The following GMEB2 variants were observed in gnomAD, a reference collection of about 807,000 sequenced individuals.
GMEB2 encodes glucocorticoid modulatory element-binding protein 2.
GMEB2 carries 7 observed loss-of-function variants against 45.7 expected under a neutral mutation model. The observed-to-expected ratio is 0.15, with a 90% CI of 0.09 to 0.29. GMEB2 has a LOEUF of 0.29. Among genes scored for constraint, GMEB2 ranks in the 10% least tolerant of loss-of-function variants. GMEB2 has a pLI of 1.00. For missense variants in GMEB2, 582 were observed against 739.2 expected, an observed-to-expected ratio of 0.79 and a Z score of 2.47; for synonymous variants, 322 against 323.6, an observed-to-expected ratio of 1.00 and a Z score of 0.05.
In GMEB2 at chr20:63,592,122, G is replaced by C. The variant is rs750681237; in HGVS notation, c.852C>G (p.Ile284Met). ...GGTCCAGCATGCCGAAGTTCTGCAC[G>C]ATGTTGTTGAGAAGTACAGCATCTT... ...QLRDAVLLNN[I>M]VQNFGMLDLV... is the part of the protein sequence containing the mutation. The change falls in exon 9 of 10, where the codon ATC becomes ATG. Residue 284 changes from isoleucine (I) to methionine (M), a missense_variant. Around this residue, in one of 3 missense-constraint regions of GMEB2, gnomAD observed 462 missense variants for 586.7 expected, o/e 0.79. Coordinates refer to ENST00000370077, the MANE Select transcript of GMEB2 (RefSeq NM_012384.5). This position sits in a 1 kb window ranked among gnomAD's most constrained non-coding sequence, Gnocchi z 8.2. The C allele has an allele frequency of 2.5e-6, 4 of 1,613,488 alleles. No homozygotes were observed. In the South Asian group the frequency reaches 3.3e-5, roughly 13 times the overall value.
intron 2 of GMEB2, among the ~76,000 whole-genome samples, chr20:63,612,799 A>G (rs988059115): frequency 3.3e-5 from 5 of 152,172 alleles, no homozygotes; most frequent in African/African-American, 1.2e-4. Context: ...CCTGTGGCCA[A>G]GGCCACCCAG....
rs1052189268 is a variant in GMEB2, at chr20:63,605,731, G to C, written c.132-891C>G. On this transcript the variant is annotated intron_variant, in intron 2 of 9. Coordinates refer to ENST00000370077, the MANE Select transcript of GMEB2 (RefSeq NM_012384.5). ...GTACTTTGGGAGGCTGAGGCGGGCAGATCACTTGAGGTCAGGAGTTCGAGA... is the reference window on the plus strand; with the variant it reads ...GTACTTTGGGAGGCTGAGGCGGGCACATCACTTGAGGTCAGGAGTTCGAGA... Among the ~76,000 whole-genome samples the C allele has an allele frequency of 4.6e-5, 7 of 151,170 alleles. No homozygotes were observed. In the South Asian group the frequency reaches 1.3e-3, roughly 27 times the overall value.
intron 1 of GMEB2, among the ~76,000 whole-genome samples, chr20:63,625,826 G>A (rs2089667316): frequency 6.6e-6 from 1 of 152,046 alleles, no homozygotes; most frequent in African/African-American, 2.4e-5. Flanking sequence ...TCAAACTCCT[G>A]ACCTCATGAT....
chr20:63,591,790 C>T (rs907052057), intron 9 of GMEB2, among the ~76,000 whole-genome samples: 30 of 152,232 alleles, frequency 2.0e-4, no homozygotes, highest in Non-Finnish European at 4.4e-5. Flanking sequence ...TAAATAACTA[C>T]TTGGTTCATC....
chr20:63,598,033 A>G (rs2083212748), intron 4 of GMEB2, among the ~76,000 whole-genome samples, 173 bp from the exon 5 acceptor site: 1 of 152,136 alleles, frequency 6.6e-6, no homozygotes. Flanking sequence ...CATGACCCAC[A>G]GGCACGGTGG....
chr20:63,598,366 A>ACACACACACACT (rs1555893274), intron 4 of GMEB2, among the ~76,000 whole-genome samples: 1 of 151,606 alleles, frequency 6.6e-6, no homozygotes, highest in Admixed American at 6.6e-5. Flanking sequence ...ACACACACAC[A>ACACACACACACT]CACACACTCA....
intron 2 of GMEB2, among the ~76,000 whole-genome samples, chr20:63,611,942 G>A (rs954397166): frequency 5.9e-5 from 9 of 151,998 alleles, no homozygotes; most frequent in African/African-American, 1.7e-4. Context: ...TAGAGTCCCA[G>A]CTACTCAGGA....
rs1277196156 is a variant in GMEB2 at position 63,592,662 on chromosome 20, A to G, written c.700T>C (p.Phe234Leu). The change falls in exon 8 of 10, where the codon TTT becomes CTT. Residue 234 changes from phenylalanine (F) to leucine (L), a missense_variant. Around this residue, in one of 3 missense-constraint regions of GMEB2, gnomAD observed 462 missense variants for 586.7 expected, o/e 0.79. Transcript: ENST00000370077. The surrounding 1 kb of genome is among the most constrained non-coding windows in gnomAD (Gnocchi z 8.2). ...TCCTTCAGCCCCCGCCAGAAGGTAA[A>G]TGTGTCATCTGTGAGGGAAGGAGTG... ...DWTAAIGDDT[F>L]TFWRGLKDAG... is the part of the protein sequence containing the mutation. 1.2e-6 allele frequency: 2 copies of G among 1,613,406 alleles called. No individual in the cohort carries two copies. The highest frequency in any genetic ancestry group is 2.2e-5 in the South Asian group (2 of 91,068).
chr20:63,624,526 C>T (rs1050497194), intron 1 of GMEB2, among the ~76,000 whole-genome samples: 8 of 152,266 alleles, frequency 5.3e-5, no homozygotes, highest in South Asian at 2.1e-4. Flanking sequence ...ACTGAGGAGA[C>T]GCTGCTTTCA....
At chr20:63,609,381 C>CG (rs2089549309) in intron 2 of GMEB2, among the ~76,000 whole-genome samples, 1 of 134,892 alleles carries the variant, frequency 7.4e-6, no homozygotes, top group Non-Finnish European at 1.6e-5. Context: ...GCCCCTCTGA[C>CG]CTCACCTCCA....
At chr20:63,612,965 T>A (rs1000041142) in intron 2 of GMEB2, among the ~76,000 whole-genome samples, 6 of 151,722 alleles carry the variant, frequency 4.0e-5, no homozygotes, top group South Asian at 4.1e-4. Flanking sequence ...TCTTTCTTTT[T>A]CTTTTTTTTT....
At chr20:63,603,208 A>C in intron 3 of GMEB2, 116 bp from the exon 4 acceptor site, 2 of 1,190,548 alleles carry the variant, frequency 1.7e-6, no homozygotes, top group Non-Finnish European at 2.4e-6. Context: ...AAAAATTAAA[A>C]TCCAGGAAGG....
chr20:63,621,262 T>C (rs2089640751), intron 1 of GMEB2, among the ~76,000 whole-genome samples: 1 of 152,058 alleles, frequency 6.6e-6, no homozygotes, highest in South Asian at 2.1e-4. Context: ...TACAGGGAGT[T>C]GTTCTTTAAT....
rs879361653 is a variant in GMEB2 at position 63,587,911 on chromosome 20, CGG to C, written c.*2176_*2177del. 1 of 152,386 alleles carries C rather than the reference CGG, an allele frequency of 6.6e-6. No homozygotes were observed. The highest frequency in any genetic ancestry group is 1.5e-5 in the Non-Finnish European group (1 of 68,108). 9.4% of individuals were successfully genotyped at this position (152,386 alleles called of 1,614,324 possible). On this transcript the variant is annotated 3_prime_UTR_variant, in exon 10 of 10. Transcript: ENST00000370077. The stretch of plus-strand genomic sequence containing the variant: ...AGGAGCCAGCAGGACCTGGAGGAGC[CGG>C]GGGCGGTGCTGACAACAACCTTCCC...
chr20:63,599,088 C>T (rs1601011717), intron 4 of GMEB2, among the ~76,000 whole-genome samples: 1 of 152,234 alleles, frequency 6.6e-6, no homozygotes, highest in East Asian at 1.9e-4. Flanking sequence ...GTCACGCTTA[C>T]CAGAGCTGCC....
intron 4 of GMEB2, among the ~76,000 whole-genome samples, chr20:63,599,414 A>G (rs1413151562): frequency 2.6e-5 from 4 of 152,200 alleles, no homozygotes; most frequent in Non-Finnish European, 5.9e-5. Flanking sequence ...CTCCGCCTGC[A>G]ATGCATATTT....
rs529025388 is a variant in GMEB2 at position 63,592,942 on chromosome 20, C to G, written c.691+69G>C. On this transcript the variant is annotated intron_variant, in intron 7 of 9. Transcript: ENST00000370077. This position sits in a 1 kb window ranked among gnomAD's most constrained non-coding sequence, Gnocchi z 8.2. Reference sequence around the variant, plus strand: ...CTGGACTCCTGGAGCCCCTGTGTGGCCCGAGGTGGGCAGAGACTCCACCAC... The same window carrying G: ...CTGGACTCCTGGAGCCCCTGTGTGGGCCGAGGTGGGCAGAGACTCCACCAC... The G allele has an allele frequency of 9.5e-7, 1 of 1,054,162 alleles. No individual in the cohort carries two copies. The highest frequency in any genetic ancestry group is 2.5e-5 in the East Asian group (1 of 39,690). The allele number at this position is 1,054,162 out of a possible 1,614,324, so 65.3% of individuals were successfully genotyped here. A position where few individuals can be genotyped will look rare whatever the true frequency, so the allele number is the denominator to read the frequency against.
chr20:63,600,374 CA>C (rs1208405409), intron 4 of GMEB2, among the ~76,000 whole-genome samples: 1 of 151,674 alleles, frequency 6.6e-6, no homozygotes, highest in Non-Finnish European at 1.5e-5. Context: ...GGATCCAGCC[CA>C]AGACTGTGGA....
rs889135310 is a variant in GMEB2, at chr20:63,593,354, A to G, written c.620-272T>C. Among the ~76,000 whole-genome samples the G allele has an allele frequency of 7.2e-5, 11 of 151,932 alleles. No individual in the cohort carries two copies. Among genetic ancestry groups the G allele is most frequent in the Admixed American group, 7.2e-4 (11 of 15,254 alleles). ...CACCCAATTTCAGCAAATCCTCAAC[A>G]CTTTCCTCCTCTTGTCCATTTACGA... On this transcript the variant is annotated intron_variant, in intron 6 of 9. Coordinates refer to ENST00000370077, the MANE Select transcript of GMEB2 (RefSeq NM_012384.5). This position sits in a 1 kb window ranked among gnomAD's most constrained non-coding sequence, Gnocchi z 4.7.
Sources: allele counts gnomAD v4.1 joint callset (sites outside exome capture counted in the v4.1 genomes callset), GRCh38; gene constraint gnomAD v4.1.1; regional missense constraint gnomAD v4.1.1; non-coding constraint Gnocchi (gnomAD v3.1); transcripts MANE v1.5; gene names NCBI Gene and HGNC (gene_info 2026-07-23, HGNC 2026-07-21).